FAR2: variants seen among roughly 807,000 people sequenced by gnomAD.
The protein encoded by FAR2 is fatty acyl-CoA reductase 2.
A neutral mutation model predicts 56.0 loss-of-function variants in FAR2; 19 were observed. That is an observed-to-expected ratio of 0.34 (90% CI 0.24 to 0.50). The LOEUF (loss-of-function observed/expected upper bound fraction) is 0.50, where lower values mean the gene tolerates loss of function less well. Among genes scored for constraint, FAR2 ranks in the 20% least tolerant of loss-of-function variants. The pLI, the probability that FAR2 is intolerant of heterozygous loss-of-function variation, is 0.98. For missense variants in FAR2, 508 were observed against 642.2 expected, an observed-to-expected ratio of 0.79 and a Z score of 2.26; for synonymous variants, 219 against 218.8, an observed-to-expected ratio of 1.00 and a Z score of -0.01.
intron 1 of FAR2, among the ~76,000 whole-genome samples, chr12:29,267,070 G>C (rs752421318): frequency 6.6e-6 from 1 of 151,778 alleles, no homozygotes; most frequent in Admixed American, 6.6e-5. Flanking sequence ...AAAGAAGTAG[G>C]GTACCTCAAC....
At chr12:29,288,006 T>C (rs1465520827) in intron 2 of FAR2, among the ~76,000 whole-genome samples, 3 of 152,246 alleles carry the variant, frequency 2.0e-5, no homozygotes, top group Non-Finnish European at 4.4e-5. Flanking sequence ...TTTCTGGTTT[T>C]CTCTTTCTGC....
intron 2 of FAR2, among the ~76,000 whole-genome samples, chr12:29,283,656 A>T (rs79148460): frequency 9.8e-5 from 15 of 152,328 alleles, no homozygotes; most frequent in Non-Finnish European, 1.8e-4. Flanking sequence ...TTTTTAAAAA[A>T]TTATCATCTA....
rs1020763199 is a variant in FAR2 at position 29,204,033 on chromosome 12, G to A, written c.-39+54626G>A. Among the ~76,000 whole-genome samples the A allele has an allele frequency of 2.3e-5, 3 of 132,870 alleles. No homozygotes were observed. The East Asian group carries it at 7.1e-4, about 31-fold the overall frequency. The allele number at this position is 132,870 out of a possible 152,430, so 87.2% of individuals were successfully genotyped here. A position where few individuals can be genotyped will look rare whatever the true frequency, so the allele number is the denominator to read the frequency against. ...AAAAAAAAAAAAAAAAGAAAATTAT[G>A]TCAGAGGTAAAGTGTAGCCTTTCAG... On this transcript the variant is annotated intron_variant, in intron 1 of 11. Transcript: ENST00000536681.
chr12:29,225,151 AC>A (rs1947746021), intron 1 of FAR2, among the ~76,000 whole-genome samples: 1 of 152,152 alleles, frequency 6.6e-6, no homozygotes, highest in Admixed American at 6.6e-5. Context: ...TGAGAGGATC[AC>A]TTGAGCCTGG....
chr12:29,243,445 A>G (rs1948070816), intron 1 of FAR2, among the ~76,000 whole-genome samples: 1 of 152,080 alleles, frequency 6.6e-6, no homozygotes, highest in South Asian at 2.1e-4. Flanking sequence ...TTTCATTTTT[A>G]TTTCTCATTT....
intron 11 of FAR2, 148 bp from the exon 12 acceptor site, chr12:29,333,484 C>A: frequency 1.5e-6 from 1 of 688,278 alleles, no homozygotes; most frequent in Non-Finnish European, 2.4e-6. Flanking sequence ...ATGAAAGACG[C>A]AGAAACCAAT....
At chr12:29,217,539 A>C (rs1947637513) in intron 1 of FAR2, among the ~76,000 whole-genome samples, 1 of 152,212 alleles carries the variant, frequency 6.6e-6, no homozygotes, top group African/African-American at 2.4e-5. Flanking sequence ...TAGAAGAAAA[A>C]GCCTATAATA....
chr12:29,333,266 G>A (rs909175251), intron 11 of FAR2: 3 of 240,470 alleles, frequency 1.2e-5, no homozygotes, highest in South Asian at 6.3e-5. Context: ...AAACAGGAAG[G>A]AGGAACCTTG....
At chr12:29,260,388 G>A (rs1298194469) in intron 1 of FAR2, among the ~76,000 whole-genome samples, 1 of 152,150 alleles carries the variant, frequency 6.6e-6, no homozygotes, top group Non-Finnish European at 1.5e-5. Context: ...CAACTCCTCT[G>A]CCACCTCCTC....
At chr12:29,235,988 G>T (rs1947935939) in intron 1 of FAR2, among the ~76,000 whole-genome samples, 1 of 152,124 alleles carries the variant, frequency 6.6e-6, no homozygotes, top group South Asian at 2.1e-4. Context: ...GCACAGTAGG[G>T]TGAGTATGAT....
chr12:29,277,660 G>A (rs1948722269), intron 2 of FAR2: 1 of 152,180 alleles, frequency 6.6e-6, no homozygotes, highest in South Asian at 2.1e-4. Context: ...GCCGGAAAAG[G>A]ACTCCAGAGA....
chr12:29,277,916 T>C (rs1948726043), intron 2 of FAR2: 1 of 149,916 alleles, frequency 6.7e-6, no homozygotes, highest in Non-Finnish European at 1.5e-5. Flanking sequence ...AACATTCATT[T>C]GTACATATTT....
At chr12:29,168,153 G>C (rs1007074320) in intron 1 of FAR2, among the ~76,000 whole-genome samples, 43 of 152,186 alleles carry the variant, frequency 2.8e-4, no homozygotes, top group African/African-American at 9.7e-4. Flanking sequence ...TGCACAGTTA[G>C]TTTATCCCGC....
chr12:29,272,233 C>T (rs1948630974), intron 2 of FAR2, among the ~76,000 whole-genome samples: 1 of 152,202 alleles, frequency 6.6e-6, no homozygotes, highest in Admixed American at 6.5e-5. Flanking sequence ...TGTTTTCCAG[C>T]TTGTTTCCAT....
intron 2 of FAR2, among the ~76,000 whole-genome samples, chr12:29,284,282 G>C (rs1276855335): frequency 3.9e-5 from 6 of 152,158 alleles, no homozygotes. Context: ...AAAGTATATA[G>C]TTTGAGTACT....
At chr12:29,196,409 G>T (rs1950144133) in intron 1 of FAR2, among the ~76,000 whole-genome samples, 1 of 152,046 alleles carries the variant, frequency 6.6e-6, no homozygotes, top group African/African-American at 2.4e-5. Flanking sequence ...ATGTCTCATT[G>T]TGCTTTTAAT....
At chr12:29,269,897 A>G (rs1257316910) in intron 1 of FAR2, among the ~76,000 whole-genome samples, 2 of 152,164 alleles carry the variant, frequency 1.3e-5, no homozygotes, top group Non-Finnish European at 2.9e-5. Context: ...CTTCTCATTT[A>G]TGTCCTGTAA....
intron 1 of FAR2, among the ~76,000 whole-genome samples, chr12:29,210,949 A>AC (rs914236200): frequency 1.3e-5 from 2 of 151,550 alleles, no homozygotes; most frequent in South Asian, 2.1e-4. Flanking sequence ...TTAAAAACAA[A>AC]AAAAAAACTA....
chr12:29,272,158 C>G (rs1565498685), intron 2 of FAR2, among the ~76,000 whole-genome samples: 2 of 152,052 alleles, frequency 1.3e-5, no homozygotes, highest in Admixed American at 6.6e-5. Flanking sequence ...TCTGTTTTTC[C>G]TGAATTTGCG....
Sources: allele counts gnomAD v4.1 joint callset (sites outside exome capture counted in the v4.1 genomes callset), GRCh38; gene constraint gnomAD v4.1.1; transcripts MANE v1.5; gene names NCBI Gene and HGNC (gene_info 2026-07-23, HGNC 2026-07-21).